The following ITGAE variants were observed in gnomAD, a reference collection of about 807,000 sequenced individuals.
ITGAE encodes integrin alpha-E.
In ITGAE, 99 loss-of-function variants were observed where a neutral mutation model predicts 136.5. That is an observed-to-expected ratio of 0.73 (90% CI 0.62 to 0.86). The LOEUF (loss-of-function observed/expected upper bound fraction) is 0.86. ITGAE is among the 40% of genes least tolerant of loss of function. The pLI is 0.00. For synonymous variants in ITGAE, 613 were observed against 591.8 expected (o/e 1.04, Z -0.52); for missense variants, 1,447 against 1,515.3 (o/e 0.95, Z 0.75).
intron 20 of ITGAE, chr17:3,739,094 CA>C (rs1267100465): frequency 6.6e-6 from 1 of 152,442 alleles, no homozygotes; most frequent in Non-Finnish European, 1.5e-5. Context: ...ACCCACCAGG[CA>C]GGCTTCCAAC....
chr17:3,732,937 G>A (rs982419272), intron 21 of ITGAE, among the ~76,000 whole-genome samples: 1 of 152,110 alleles, frequency 6.6e-6, no homozygotes, highest in Non-Finnish European at 1.5e-5. Flanking sequence ...TCCCAGGGAC[G>A]GTCCATCCCT....
Position 3,788,377 on chromosome 17 carries a change from C to A in ITGAE, c.35-10717G>T, listed in dbSNP as rs185536092. Reference sequence around the variant, plus strand: ...TGATCACAGTTCACTGCAGCCTCAACTTCCTGGGCTCAAGTGGTTTTCCTG... The same window carrying A: ...TGATCACAGTTCACTGCAGCCTCAAATTCCTGGGCTCAAGTGGTTTTCCTG... On this transcript the variant is annotated intron_variant, in intron 1 of 30. Coordinates refer to ENST00000263087, the MANE Select transcript of ITGAE (RefSeq NM_002208.5). 3.3e-5 allele frequency among the ~76,000 whole-genome samples: 5 copies of A among 151,330 alleles called. No homozygotes were observed. The Admixed American group carries it at 3.3e-4, about 10-fold the overall frequency.
In ITGAE at chr17:3,749,409, T is replaced by C. The variant is rs137899583; in HGVS notation, c.2024+943A>G. On this transcript the variant is annotated intron_variant, in intron 16 of 30. Coordinates refer to ENST00000263087, the MANE Select transcript of ITGAE (RefSeq NM_002208.5). Reference sequence around the variant, plus strand: ...CTGGGACTATAGGCGCCCGCCACCATGCCCGGCTAATTTTTTGTATTTTTA... The same window carrying C: ...CTGGGACTATAGGCGCCCGCCACCACGCCCGGCTAATTTTTTGTATTTTTA... Among the ~76,000 whole-genome samples the C allele has an allele frequency of 6.0e-3, 913 of 152,058 alleles. 11 individuals carry two copies. Among genetic ancestry groups the C allele is most frequent in the African/African-American group, 0.02 (816 of 41,502 alleles).
chr17:3,780,375 G>A (rs2052638705), intron 1 of ITGAE, among the ~76,000 whole-genome samples: 1 of 152,138 alleles, frequency 6.6e-6, no homozygotes, highest in African/African-American at 2.4e-5. Flanking sequence ...TGTTAAGCCA[G>A]GTTGGTCTCG....
chr17:3,795,826 CCT>C (rs765231665), intron 1 of ITGAE, among the ~76,000 whole-genome samples: 19 of 139,500 alleles, frequency 1.4e-4, no homozygotes, highest in African/African-American at 4.0e-4. Context: ...CGTGTGCATC[CCT>C]GTGTGTGCAT....
chr17:3,797,805 T>G (rs1199364283), intron 1 of ITGAE, among the ~76,000 whole-genome samples: 1 of 152,146 alleles, frequency 6.6e-6, no homozygotes, highest in African/African-American at 2.4e-5. Context: ...TCCCCACGTC[T>G]GCCTTCCGCA....
At chr17:3,724,483 G>C in intron 26 of ITGAE, 2 of 1,613,970 alleles carry the variant, frequency 1.2e-6, no homozygotes, top group Non-Finnish European at 1.7e-6. Flanking sequence ...CCAACGCCAA[G>C]GGACAGTGTC....
chr17:3,796,065 CCG>C (rs2053081556), intron 1 of ITGAE, among the ~76,000 whole-genome samples: 3 of 112,298 alleles, frequency 2.7e-5, no homozygotes, highest in Non-Finnish European at 5.5e-5. Flanking sequence ...GTGTGTGCAT[CCG>C]TGTTTGTGCA....
At chr17:3,796,820 T>TA (rs1341650349) in intron 1 of ITGAE, among the ~76,000 whole-genome samples, 1 of 152,118 alleles carries the variant, frequency 6.6e-6, no homozygotes, top group African/African-American at 2.4e-5. Context: ...GTACAATAAG[T>TA]ACCACGATTC....
In ITGAE at chr17:3,727,626, G is replaced by A. The variant is rs992224487; in HGVS notation, c.3084+293C>T. ...GTGTTAGCCAGGATGGTCTCGATCT[G>A]CTGACCTTGTGATCCACCCGCCTCG... On this transcript the variant is annotated intron_variant, in intron 26 of 30. Coordinates refer to ENST00000263087, the MANE Select transcript of ITGAE (RefSeq NM_002208.5). Among the ~76,000 whole-genome samples the A allele has an allele frequency of 2.6e-5, 4 of 151,912 alleles. No individual in the cohort carries two copies. In the South Asian group the frequency reaches 8.3e-4, roughly 32 times the overall value.
At position 3,731,182 on chromosome 17, in the gene ITGAE, G is replaced by C. The variant is rs1304784546; in HGVS notation, c.2756C>G (p.Ala919Gly). 1 of 1,612,960 alleles carries C rather than the reference G, an allele frequency of 6.2e-7. No homozygotes were observed. The highest frequency in any genetic ancestry group is 8.5e-7 in the Non-Finnish European group (1 of 1,179,216). ...TAGCTGCCAAACGACTGAAACATGA[G>C]CCTATTTTAAAGGGGGAAAAATGGT... is the stretch of plus-strand genomic sequence containing the variant. ...IGHPVLKRSS[A>G]HVSVVWQLEE... Residue 919 changes from alanine (A) to glycine (G), a missense_variant and splice_region_variant, in exon 23 of 31, where the codon GCT (alanine) becomes GGT (glycine). Around this residue, in one of 3 missense-constraint regions of ITGAE, gnomAD observed 1,031 missense variants for 1,011.4 expected, o/e 1.02. Coordinates refer to ENST00000263087, the MANE Select transcript of ITGAE (RefSeq NM_002208.5).
chr17:3,776,740 G>T (rs776332615), intron 2 of ITGAE, among the ~76,000 whole-genome samples: 1 of 146,136 alleles, frequency 6.8e-6, no homozygotes, highest in African/African-American at 2.7e-5. Flanking sequence ...GGTTTTTTTT[G>T]AGTTGGGGGG....
At chr17:3,731,800 T>C (rs551758498) in intron 22 of ITGAE, among the ~76,000 whole-genome samples, 1 of 151,434 alleles carries the variant, frequency 6.6e-6, no homozygotes, top group South Asian at 2.1e-4. Flanking sequence ...TGGCCGGGCA[T>C]GGTGGCTCAT....
rs748451320 is a variant in ITGAE, at chr17:3,724,627, C to G, written c.3085-883G>C. 1.1e-5 allele frequency: 17 copies of G among 1,614,186 alleles called. No individual in the cohort carries two copies. The Admixed American group carries it at 2.8e-4, about 27-fold the overall frequency. ...GAAGCGACAGGAGGAGCCAAGGACA[C>G]CAGGATGGTCCACCAAACCCGCGCC... On this transcript the variant is annotated intron_variant, in intron 26 of 30. Coordinates refer to ENST00000263087, the MANE Select transcript of ITGAE (RefSeq NM_002208.5).
intron 1 of ITGAE, among the ~76,000 whole-genome samples, chr17:3,796,820 TACC>T (rs904634752): frequency 2.0e-5 from 3 of 152,118 alleles, no homozygotes; most frequent in African/African-American, 7.2e-5. Context: ...GTACAATAAG[TACC>T]ACGATTCCCA....
At chr17:3,751,351 G>A (rs1177173608) in intron 15 of ITGAE, among the ~76,000 whole-genome samples, 1 of 151,926 alleles carries the variant, frequency 6.6e-6, no homozygotes, top group East Asian at 1.9e-4. Flanking sequence ...CGAGGCAGGT[G>A]GGTGGAAGGA....
At position 3,755,182 on chromosome 17, in the gene ITGAE, C is replaced by T. The variant is rs745558077; in HGVS notation, c.1319G>A (p.Gly440Asp). ...ALLYDTRSRR[G>D]RFLNQTAAAA... ...CGCCGCTGTCTGGTTCAGGAAGCGG[C>T]CCCGGCGGCTGCGTGTGTCGTAGAG... is the stretch of plus-strand genomic sequence containing the variant. The change falls in exon 12 of 31, where the codon GGC (glycine) becomes GAC (aspartate). Residue 440 changes from glycine to aspartate, a missense_variant. Coordinates refer to ENST00000263087, the MANE Select transcript of ITGAE (RefSeq NM_002208.5). The T allele has an allele frequency of 3.2e-6, 5 of 1,582,460 alleles. No homozygotes were observed. Among genetic ancestry groups the T allele is most frequent in the African/African-American group, 2.7e-5 (2 of 74,510 alleles).
At chr17:3,785,263 G>C (rs2052756523) in intron 1 of ITGAE, among the ~76,000 whole-genome samples, 2 of 152,120 alleles carry the variant, frequency 1.3e-5, no homozygotes, top group African/African-American at 4.8e-5. Flanking sequence ...GAGGTCAGGA[G>C]TTCAAAACCA....
chr17:3,748,620 G>T (rs1254456349), intron 16 of ITGAE, among the ~76,000 whole-genome samples: 2 of 152,116 alleles, frequency 1.3e-5, no homozygotes, highest in Non-Finnish European at 2.9e-5. Flanking sequence ...AATAAGGACC[G>T]AGGGCTACTG....
Sources: gnomAD v4.1 joint callset for allele counts (sites outside exome capture counted in the v4.1 genomes callset) on GRCh38, gnomAD v4.1.1 for gene constraint, gnomAD v4.1.1 regional missense constraint, MANE v1.5 for transcripts, NCBI Gene and HGNC (gene_info 2026-07-23, HGNC 2026-07-21) for gene names.